Variants in NMU observed in about 807,000 individuals in gnomAD.
NMU encodes the protein neuromedin U, also known as neuromedin-U.
In NMU, 29 loss-of-function variants were observed where a neutral mutation model predicts 35.4. The observed-to-expected ratio is 0.82, with a 90% CI of 0.61 to 1.12. NMU has a LOEUF of 1.12. Ranked by LOEUF, NMU falls within the 50% of genes most tolerant of loss-of-function variation. NMU has a pLI of 0.00. For missense variants in NMU, 199 were observed against 206.2 expected (o/e 0.97, Z 0.21); for synonymous variants, 78 against 81.3 (o/e 0.96, Z 0.22).
At chr4:55,613,842 G>C (rs981734733) in intron 3 of NMU, among the ~76,000 whole-genome samples, 1 of 152,076 alleles carries the variant, frequency 6.6e-6, no homozygotes, top group African/African-American at 2.4e-5. Flanking sequence ...CACTTCACCC[G>C]GTTGCCTCCA....
chr4:55,618,680 TTCTCTCTTTCTTC>T (rs1305867598), intron 2 of NMU, among the ~76,000 whole-genome samples: 1 of 145,164 alleles, frequency 6.9e-6, no homozygotes, highest in African/African-American at 2.6e-5. Context: ...TCTTCCTTTC[TTCTCTCTTTCTTC>T]TCTCTCTTCT....
At chr4:55,618,784 CCTTT>C (rs1161525084) in intron 2 of NMU, among the ~76,000 whole-genome samples, 12 of 135,124 alleles carry the variant, frequency 8.9e-5, no homozygotes, top group South Asian at 7.2e-4. Flanking sequence ...TCTTTCTTTC[CCTTT>C]CTTTCTTCTC....
At chr4:55,628,452 T>C (rs1405380556) in intron 2 of NMU, among the ~76,000 whole-genome samples, 1 of 151,010 alleles carries the variant, frequency 6.6e-6, no homozygotes, top group Non-Finnish European at 1.5e-5. Flanking sequence ...AAACTGTTGC[T>C]CCGCTCTCCT....
At chr4:55,599,727 C>G (rs1344313782) in intron 8 of NMU, among the ~76,000 whole-genome samples, 1 of 152,064 alleles carries the variant, frequency 6.6e-6, no homozygotes, top group Admixed American at 6.6e-5. Flanking sequence ...AGGATTCAGC[C>G]CTTGAAGTCT....
At chr4:55,615,717 T>C (rs1560520593) in intron 3 of NMU, among the ~76,000 whole-genome samples, 2 of 152,174 alleles carry the variant, frequency 1.3e-5, no homozygotes, top group Non-Finnish European at 2.9e-5. Flanking sequence ...GGGTCTGTTA[T>C]ACAGATTATT....
chr4:55,606,128 C>T (rs1260154708), intron 6 of NMU, among the ~76,000 whole-genome samples: 6 of 152,190 alleles, frequency 3.9e-5, no homozygotes, highest in African/African-American at 1.2e-4. Context: ...TTCGCCTCCT[C>T]ATATGTAATA....
At chr4:55,613,838 A>G (rs3805386) in intron 3 of NMU, among the ~76,000 whole-genome samples, 26,693 of 152,032 alleles carry the variant, frequency 0.18, 2,452 homozygotes, top group South Asian at 0.23. Context: ...GTAACACTTC[A>G]CCCGGTTGCC....
intron 1 of NMU, among the ~76,000 whole-genome samples, chr4:55,632,565 T>C (rs1715658479): frequency 6.6e-6 from 1 of 152,136 alleles, no homozygotes; most frequent in South Asian, 2.1e-4. Context: ...ACCACAAACA[T>C]ATATCCCAAA....
intron 4 of NMU, among the ~76,000 whole-genome samples, chr4:55,608,708 T>C (rs1733804535): frequency 6.6e-6 from 1 of 151,780 alleles, no homozygotes; most frequent in Non-Finnish European, 1.5e-5. Flanking sequence ...CAGTTTGCTT[T>C]TTTTTTTTGC....
intron 3 of NMU, among the ~76,000 whole-genome samples, chr4:55,612,396 T>C (rs1275896332): frequency 6.6e-6 from 1 of 152,046 alleles, no homozygotes; most frequent in Non-Finnish European, 1.5e-5. Flanking sequence ...TGAGACCCTA[T>C]CTCTAAAAAC....
intron 7 of NMU, among the ~76,000 whole-genome samples, chr4:55,602,701 T>C (rs1733473233): frequency 6.6e-6 from 1 of 152,228 alleles, no homozygotes; most frequent in Admixed American, 6.5e-5. Context: ...GAGAGTTTGA[T>C]GACAACTGCT....
At chr4:55,607,266 AG>A (rs759498519) in intron 6 of NMU, 31 bp downstream of exon 6, 69 of 1,470,970 alleles carry the variant, frequency 4.7e-5, no homozygotes, top group Non-Finnish European at 1.2e-5. Context: ...AACAAATATT[AG>A]TGATTACTAA....
chr4:55,608,447 G>C (rs1733793040), intron 4 of NMU, among the ~76,000 whole-genome samples: 1 of 152,030 alleles, frequency 6.6e-6, no homozygotes. Context: ...ATATATGAAA[G>C]GTATGGAAGT....
At chr4:55,602,182 G>C (rs1346398814) in intron 7 of NMU, among the ~76,000 whole-genome samples, 2 of 152,090 alleles carry the variant, frequency 1.3e-5, no homozygotes, top group Admixed American at 1.3e-4. Context: ...AATAATTTGG[G>C]AGGTAGAGAT....
chr4:55,595,646 T>A (rs1206625292), intron 9 of NMU, among the ~76,000 whole-genome samples: 45 of 142,492 alleles, frequency 3.2e-4, no homozygotes, highest in African/African-American at 9.2e-4. Flanking sequence ...TATATATATT[T>A]TTTTTTTTTT....
chr4:55,617,655 C>A (rs1399889536), intron 2 of NMU, among the ~76,000 whole-genome samples: 1 of 152,146 alleles, frequency 6.6e-6, no homozygotes, highest in African/African-American at 2.4e-5. Flanking sequence ...AGGGGAAAGT[C>A]AAAAAGATAA....
intron 3 of NMU, among the ~76,000 whole-genome samples, chr4:55,612,034 T>G (rs1733954046): frequency 1.3e-5 from 2 of 152,216 alleles, no homozygotes; most frequent in Non-Finnish European, 2.9e-5. Flanking sequence ...GATATTATTG[T>G]GTTGCATTGG....
At chr4:55,601,725 G>A (rs1448441801) in intron 7 of NMU, among the ~76,000 whole-genome samples, 1 of 152,106 alleles carries the variant, frequency 6.6e-6, no homozygotes. Context: ...AGTGGCTCAT[G>A]CCTGTAATCT....
At chr4:55,597,905 A>T (rs986726370) in intron 9 of NMU, among the ~76,000 whole-genome samples, 9 of 151,444 alleles carry the variant, frequency 5.9e-5, no homozygotes, top group African/African-American at 2.2e-4. Context: ...TTATGATTTT[A>T]TCCTTTTTCT....
Sources: allele counts gnomAD v4.1 joint callset (sites outside exome capture counted in the v4.1 genomes callset), GRCh38; gene constraint gnomAD v4.1.1; transcripts MANE v1.5; gene names NCBI Gene and HGNC (gene_info 2026-07-23, HGNC 2026-07-21).